Variants in KDM2B observed in about 807,000 individuals in gnomAD.
The protein encoded by KDM2B is lysine demethylase 2B.
Under a neutral mutation model 150.0 loss-of-function variants are expected in KDM2B, and 26 were observed. The ratio of observed to expected loss-of-function variants is 0.17; its 90% confidence interval spans 0.13 to 0.24. The LOEUF (loss-of-function observed/expected upper bound fraction) is 0.24. Ranked by LOEUF, KDM2B falls within the 10% of genes least tolerant of loss-of-function variation. KDM2B has a pLI of 1.00. For synonymous variants in KDM2B, 734 were observed against 729.5 expected (o/e 1.01, Z -0.10); for missense variants, 1,265 against 1,816.9 (o/e 0.70, Z 5.52).
intron 10 of KDM2B, among the ~76,000 whole-genome samples, chr12:121,512,350 C>T (rs533493153): frequency 2.0e-5 from 3 of 151,940 alleles, no homozygotes; most frequent in East Asian, 1.9e-4. Context: ...CCCCATCATA[C>T]GCCCAGCCTG....
At chr12:121,566,660 G>A (rs1890727009) in intron 4 of KDM2B, among the ~76,000 whole-genome samples, 1 of 151,620 alleles carries the variant, frequency 6.6e-6, no homozygotes, top group South Asian at 2.1e-4. Flanking sequence ...GCCGGGCATG[G>A]TGGCCGGCAC....
intron 2 of KDM2B, among the ~76,000 whole-genome samples, chr12:121,578,473 TC>T (rs1555317225): frequency 1.3e-5 from 2 of 152,006 alleles, no homozygotes; most frequent in Non-Finnish European, 2.9e-5. Flanking sequence ...CGCGACCGGC[TC>T]GGGGAGGGGG....
intron 11 of KDM2B, among the ~76,000 whole-genome samples, chr12:121,502,728 C>T (rs782674474): frequency 2.8e-5 from 4 of 143,278 alleles, no homozygotes; most frequent in Non-Finnish European, 6.0e-5. Flanking sequence ...TCGAGACCAG[C>T]CTGGGCAGCA....
intron 22 of KDM2B, among the ~76,000 whole-genome samples, chr12:121,434,929 C>A (rs112339496): frequency 0.014 from 2,143 of 152,010 alleles, 49 homozygotes; most frequent in African/African-American, 0.048. Context: ...TGCACTCAAA[C>A]CTGGGCGACA....
In KDM2B at chr12:121,453,012, C is replaced by T. The variant is rs1877566898; in HGVS notation, c.1959+108G>A. ...AGAGCTCTCGGGGAGTCCACAGCCCCGGCTTCTCTGTGTGCGGAGGGGCGG... is the reference window on the plus strand; with the variant it reads ...AGAGCTCTCGGGGAGTCCACAGCCCTGGCTTCTCTGTGTGCGGAGGGGCGG... On this transcript the variant is annotated intron_variant, in intron 13 of 22. Coordinates refer to ENST00000377071, the MANE Select transcript of KDM2B (RefSeq NM_032590.5). The surrounding 1 kb of genome is among the most constrained non-coding windows in gnomAD (Gnocchi z 6.4). The T allele has an allele frequency of 9.6e-6, 10 of 1,046,148 alleles. No individual in the cohort carries two copies. In the Middle Eastern group the frequency reaches 1.3e-3, roughly 131 times the overall value. 64.8% of individuals were successfully genotyped at this position (1,046,148 alleles called of 1,614,324 possible).
the KDM2B span, chr12:121,417,665 G>T: frequency 6.2e-7 from 1 of 1,614,180 alleles, no homozygotes; most frequent in South Asian, 1.1e-5. The surrounding 1 kb of genome is among the most constrained non-coding windows in gnomAD (Gnocchi z 5.0). Flanking sequence ...ATCTCATTCT[G>T]AGAAATATAC....
rs1566283463 is a variant in KDM2B, at chr12:121,453,503, C to T, written c.1735-159G>A. Among the ~76,000 whole-genome samples, 2 of 152,228 alleles carry T rather than the reference C, an allele frequency of 1.3e-5. No individual in the cohort carries two copies. Among genetic ancestry groups the T allele is most frequent in the Admixed American group, 1.3e-4 (2 of 15,290 alleles). On this transcript the variant is annotated intron_variant, in intron 12 of 22. Transcript: ENST00000377071. This position sits in a 1 kb window ranked among gnomAD's most constrained non-coding sequence, Gnocchi z 6.4. ...TGTGATCTTTATTTGGAGATGGGGG[C>T]TTTGCAGAGACCGTCAGGTTAAACG...
At chr12:121,418,767 C>T in the KDM2B span, 1 of 152,108 alleles carries the variant, frequency 6.6e-6, no homozygotes, top group Admixed American at 6.5e-5. Flanking sequence ...GTTGCCCAGG[C>T]TAGAGTGAAG....
intron 12 of KDM2B, among the ~76,000 whole-genome samples, chr12:121,491,350 C>T (rs547489352): frequency 6.6e-6 from 1 of 152,240 alleles, no homozygotes; most frequent in South Asian, 2.1e-4. Flanking sequence ...CATCTGGAAG[C>T]TGCTGTGTAT....
chr12:121,541,395 C>CAAAA (rs59029432), intron 6 of KDM2B, among the ~76,000 whole-genome samples: 11 of 29,310 alleles, frequency 3.8e-4, no homozygotes, highest in African/African-American at 5.9e-4. Flanking sequence ...GCCCCTGTCT[C>CAAAA]AAAAAAAAAA....
At chr12:121,569,518 G>A (rs1317853677) in intron 4 of KDM2B, among the ~76,000 whole-genome samples, 4 of 152,316 alleles carry the variant, frequency 2.6e-5, no homozygotes, top group South Asian at 2.1e-4. Flanking sequence ...AGATGTCCCC[G>A]GAGGTTACAT....
chr12:121,577,159 G>C (rs1566439312), intron 2 of KDM2B, among the ~76,000 whole-genome samples: 1 of 152,126 alleles, frequency 6.6e-6, no homozygotes, highest in Admixed American at 6.5e-5. Flanking sequence ...CGGGAGAGCA[G>C]ATCTAAGGAT....
the KDM2B span, chr12:121,420,209 C>A: frequency 6.2e-7 from 1 of 1,600,016 alleles, no homozygotes; most frequent in East Asian, 2.2e-5. Flanking sequence ...CAGATTGATT[C>A]CTGACCTAAT....
intron 6 of KDM2B, among the ~76,000 whole-genome samples, chr12:121,544,616 A>G (rs1021762160): frequency 5.4e-5 from 8 of 148,084 alleles, no homozygotes; most frequent in South Asian, 4.3e-4. Flanking sequence ...TCCCCCCCCA[A>G]AAAAAGAAAA....
intron 3 of KDM2B, 32 bp from the exon 4 acceptor site, chr12:121,574,625 G>A (rs369148802): frequency 1.9e-5 from 31 of 1,609,866 alleles, no homozygotes; most frequent in African/African-American, 2.7e-5. Context: ...CCTTTGGTGA[G>A]AGGCCAGAAA....
intron 12 of KDM2B, among the ~76,000 whole-genome samples, chr12:121,462,093 C>T (rs538906621): frequency 9.8e-5 from 15 of 152,374 alleles, no homozygotes; most frequent in East Asian, 1.9e-4. Context: ...TAACATTACA[C>T]GGACAGCCCC....
chr12:121,428,886 T>C (rs528691436), downstream of KDM2B, among the ~76,000 whole-genome samples: 2 of 152,322 alleles, frequency 1.3e-5, no homozygotes, highest in East Asian at 3.9e-4. Context: ...CAAGTAGCCA[T>C]GGAATTAATT....
chr12:121,440,625 A>G, intron 21 of KDM2B, 191 bp downstream of exon 21: 1 of 580,414 alleles, frequency 1.7e-6, no homozygotes, highest in Admixed American at 3.3e-5. Flanking sequence ...CCCAGGAGCG[A>G]GTCTCACGTG....
rs1880981260 is a variant in KDM2B, at chr12:121,473,394, A to C, written c.1735-20050T>G. Among the ~76,000 whole-genome samples, 8 of 151,516 alleles carry C rather than the reference A, an allele frequency of 5.3e-5. No homozygotes were observed. The South Asian group carries it at 1.7e-3, about 32-fold the overall frequency. ...TGACAATGAGACTCTGTCTCAAAAA[A>C]AAAAAAAAAATCAAAATGAGATGAT... On this transcript the variant is annotated intron_variant, in intron 12 of 22. Transcript: ENST00000377071.
Sources: allele counts gnomAD v4.1 joint callset (sites outside exome capture counted in the v4.1 genomes callset), GRCh38; gene constraint gnomAD v4.1.1; non-coding constraint Gnocchi (gnomAD v3.1); transcripts MANE v1.5; gene names NCBI Gene and HGNC (gene_info 2026-07-23, HGNC 2026-07-21).